The following EXOC6 variants were observed in gnomAD, a reference collection of about 807,000 sequenced individuals.
EXOC6 encodes SEC15-like 1.
EXOC6 carries 60 observed loss-of-function variants against 112.5 expected under a neutral mutation model. The observed-to-expected ratio is 0.53, with a 90% confidence interval of 0.43 to 0.66. The LOEUF is 0.66. Ranked by LOEUF, EXOC6 falls within the 30% of genes least tolerant of loss-of-function variation. The pLI, the probability that EXOC6 is intolerant of heterozygous loss-of-function variation, is 0.00. For missense variants in EXOC6, 855 were observed against 957.1 expected, an observed-to-expected ratio of 0.89 and a Z score of 1.41; for synonymous variants, 295 against 308.0, an observed-to-expected ratio of 0.96 and a Z score of 0.44.
chr10:92,928,465 A>G (rs1352988210), intron 9 of EXOC6, 43 bp downstream of exon 9: 1 of 1,196,084 alleles, frequency 8.4e-7, no homozygotes, highest in Non-Finnish European at 1.2e-6. Context: ...GTCACTTTTT[A>G]TCCCCTTACC....
chr10:92,896,314 C>T (rs1287501437), intron 4 of EXOC6, among the ~76,000 whole-genome samples: 1 of 143,980 alleles, frequency 6.9e-6, no homozygotes, highest in Non-Finnish European at 1.5e-5. Flanking sequence ...TCTCCTGCCT[C>T]AGCCTCCTGA....
intron 20 of EXOC6, among the ~76,000 whole-genome samples, chr10:93,044,766 T>C (rs926063024): frequency 6.6e-6 from 1 of 152,224 alleles, no homozygotes; most frequent in South Asian, 2.1e-4. Flanking sequence ...TGGGATTTAA[T>C]GAGCTTGGTT....
At chr10:92,859,174 A>C (rs1031635682) in intron 1 of EXOC6, among the ~76,000 whole-genome samples, 4 of 152,088 alleles carry the variant, frequency 2.6e-5, no homozygotes, top group African/African-American at 9.7e-5. Context: ...ATAACGTAGC[A>C]ACTCTCGATG....
chr10:92,884,523 G>C (rs1849118748), intron 1 of EXOC6, among the ~76,000 whole-genome samples: 1 of 152,254 alleles, frequency 6.6e-6, no homozygotes, highest in South Asian at 2.1e-4. Context: ...TATTCTGTTA[G>C]TGAACAAAGC....
Position 93,020,967 on chromosome 10 carries a change from AG to A in EXOC6, c.2169+6701del, listed in dbSNP as rs554523997. 2.0e-4 allele frequency among the ~76,000 whole-genome samples: 31 copies of A among 151,660 alleles called. 1 individual carries two copies. The South Asian group carries it at 6.5e-3, about 32-fold the overall frequency. On this transcript the variant is annotated intron_variant, in intron 20 of 21. Transcript: ENST00000260762. ...GCTTGAAGTTTGGACCTGTCAAGGA[AG>A]AAAACGGTTACCTCTGGTTCCTTCC...
chr10:92,961,820 A>G (rs997742743), intron 17 of EXOC6, among the ~76,000 whole-genome samples: 3 of 152,130 alleles, frequency 2.0e-5, no homozygotes, highest in Middle Eastern at 3.4e-3. Flanking sequence ...TTAAAAAGCT[A>G]TTTATATCAG....
chr10:92,999,878 A>G (rs768570416), intron 19 of EXOC6, among the ~76,000 whole-genome samples: 1 of 151,622 alleles, frequency 6.6e-6, no homozygotes, highest in Non-Finnish European at 1.5e-5. Flanking sequence ...AATTTTTTGT[A>G]TTTTTAATAG....
chr10:92,829,618 C>G (rs1846441352), intron 1 of EXOC6, among the ~76,000 whole-genome samples: 3 of 152,176 alleles, frequency 2.0e-5, no homozygotes, highest in Admixed American at 2.0e-4. Flanking sequence ...AACACATGAA[C>G]ATGTCAGAAG....
intron 20 of EXOC6, among the ~76,000 whole-genome samples, chr10:93,048,772 AG>A (rs1269873003): frequency 6.6e-6 from 1 of 151,184 alleles, no homozygotes; most frequent in Non-Finnish European, 1.5e-5. Flanking sequence ...AAAAAAAAAA[AG>A]AATTTATTAA....
intron 1 of EXOC6, among the ~76,000 whole-genome samples, chr10:92,827,623 C>T (rs1235697906): frequency 6.6e-6 from 1 of 151,390 alleles, no homozygotes; most frequent in African/African-American, 2.4e-5. Context: ...TTGGAGGGGA[C>T]AGGTGAGTGA....
At chr10:93,047,544 C>CA (rs1846053703) in intron 20 of EXOC6, among the ~76,000 whole-genome samples, 3 of 150,912 alleles carry the variant, frequency 2.0e-5, no homozygotes. Context: ...TCAAACAAAA[C>CA]AAAACAAAAC....
intron 4 of EXOC6, among the ~76,000 whole-genome samples, chr10:92,896,593 A>T (rs1246136963): frequency 6.6e-6 from 1 of 150,820 alleles, no homozygotes; most frequent in Non-Finnish European, 1.5e-5. Flanking sequence ...TAGTATTATT[A>T]TTATTATTAT....
intron 1 of EXOC6, among the ~76,000 whole-genome samples, chr10:92,828,342 G>C (rs1846418934): frequency 6.6e-6 from 1 of 152,130 alleles, no homozygotes; most frequent in Non-Finnish European, 1.5e-5. Context: ...TGTTTTCTTT[G>C]TTTGCTTGTT....
At chr10:92,859,881 C>G (rs916814833) in intron 1 of EXOC6, among the ~76,000 whole-genome samples, 1 of 151,208 alleles carries the variant, frequency 6.6e-6, no homozygotes, top group Non-Finnish European at 1.5e-5. Flanking sequence ...TATAACCTCC[C>G]AGGCATCAAT....
intron 1 of EXOC6, among the ~76,000 whole-genome samples, chr10:92,886,857 AATTCTTTAATTTTTTTATT>A (rs1449829636): frequency 6.6e-6 from 1 of 152,156 alleles, no homozygotes; most frequent in African/African-American, 2.4e-5. Flanking sequence ...TCACAGTACT[AATTCTTTAATTTTTTTATT>A]GGAACTTATG....
At chr10:93,011,711 A>G (rs1042745083) in intron 19 of EXOC6, among the ~76,000 whole-genome samples, 3 of 152,180 alleles carry the variant, frequency 2.0e-5, no homozygotes, top group Admixed American at 6.5e-5. Flanking sequence ...AGATGTAATG[A>G]TACTAGAGAA....
chr10:92,984,755 C>T (rs1842940606), intron 18 of EXOC6, among the ~76,000 whole-genome samples: 1 of 152,104 alleles, frequency 6.6e-6, no homozygotes. Flanking sequence ...TCTTCATTGT[C>T]TTCTGGCATC....
chr10:92,856,893 A>AC (rs1294821653), intron 1 of EXOC6, among the ~76,000 whole-genome samples: 2 of 152,100 alleles, frequency 1.3e-5, no homozygotes, highest in Non-Finnish European at 2.9e-5. Flanking sequence ...TTATTTCTAG[A>AC]CTTGTTTTAA....
intron 20 of EXOC6, among the ~76,000 whole-genome samples, chr10:93,049,521 C>T (rs982708486): frequency 6.6e-6 from 1 of 152,136 alleles, no homozygotes; most frequent in African/African-American, 2.4e-5. Flanking sequence ...AAATATTATG[C>T]TTAAGTGAAA....
Sources: allele counts gnomAD v4.1 joint callset (sites outside exome capture counted in the v4.1 genomes callset), GRCh38; gene constraint gnomAD v4.1.1; transcripts MANE v1.5; gene names NCBI Gene and HGNC (gene_info 2026-07-23, HGNC 2026-07-21).